EML4: variants seen among roughly 807,000 people sequenced by gnomAD.
The protein encoded by EML4 is EMAP like 4.
A neutral mutation model predicts 129.0 loss-of-function variants in EML4; 72 were observed. The observed-to-expected ratio is 0.56, with a 90% CI of 0.46 to 0.68. The LOEUF is 0.68. Ranked by LOEUF, EML4 falls within the 30% of genes least tolerant of loss-of-function variation. The probability of loss-of-function intolerance (pLI) is 0.00; values close to 1 mark genes in which losing one functional copy is unlikely to be tolerated. For synonymous variants in EML4, 532 were observed against 405.0 expected, an observed-to-expected ratio of 1.31 and a Z score of -3.77; for missense variants, 1,363 against 1,190.6, an observed-to-expected ratio of 1.14 and a Z score of -2.13.
At chr2:42,207,137 A>G (rs1672602320) in intron 1 of EML4, among the ~76,000 whole-genome samples, 1 of 152,220 alleles carries the variant, frequency 6.6e-6, no homozygotes, top group African/African-American at 2.4e-5. Flanking sequence ...GTTACATTCT[A>G]AAAGTTATTT....
chr2:42,274,368 A>G (rs1454342982), intron 6 of EML4, among the ~76,000 whole-genome samples: 1 of 152,180 alleles, frequency 6.6e-6, no homozygotes, highest in South Asian at 2.1e-4. Context: ...TACAGGTAGT[A>G]CCCATTACAC....
chr2:42,270,786 C>G (rs1666320587), intron 6 of EML4, among the ~76,000 whole-genome samples: 1 of 152,212 alleles, frequency 6.6e-6, no homozygotes, highest in Non-Finnish European at 1.5e-5. Flanking sequence ...GTATCCCAAA[C>G]TTGGCAATTC....
In EML4 at chr2:42,253,643, G is replaced by T. The variant is rs548856522; in HGVS notation, c.209-2858G>T. Reference sequence around the variant, plus strand: ...ATCCATTTAGTTGTTTTGATATTAAGTACTTTTTGTGTGCTAGGCAGACTG... The same window carrying T: ...ATCCATTTAGTTGTTTTGATATTAATTACTTTTTGTGTGCTAGGCAGACTG... On this transcript the variant is annotated intron_variant, in intron 2 of 22. Transcript: ENST00000318522. 5.3e-5 allele frequency among the ~76,000 whole-genome samples: 8 copies of T among 152,240 alleles called. No homozygotes were observed. The South Asian group carries it at 8.3e-4, about 16-fold the overall frequency.
At chr2:42,257,617 C>CT (rs1676243194) in intron 3 of EML4, among the ~76,000 whole-genome samples, 1 of 152,062 alleles carries the variant, frequency 6.6e-6, no homozygotes, top group Non-Finnish European at 1.5e-5. Context: ...GGGCGGATCA[C>CT]GAGGTCAGGA....
chr2:42,214,729 A>T (rs1471014538), intron 1 of EML4, among the ~76,000 whole-genome samples: 3 of 152,116 alleles, frequency 2.0e-5, no homozygotes, highest in South Asian at 2.1e-4. Context: ...GTTAGCCGGG[A>T]TGGCTGGAAG....
At chr2:42,217,841 T>C (rs918110346) in intron 1 of EML4, among the ~76,000 whole-genome samples, 9 of 152,174 alleles carry the variant, frequency 5.9e-5, no homozygotes, top group African/African-American at 1.4e-4. Flanking sequence ...CTTTTAAATA[T>C]GTAGATTTAC....
At chr2:42,184,385 T>A (rs1375472485) in intron 1 of EML4, among the ~76,000 whole-genome samples, 2 of 77,280 alleles carry the variant, frequency 2.6e-5, no homozygotes, top group African/African-American at 1.1e-4. Flanking sequence ...CCCTCCCCCC[T>A]CCCCCCACCC....
intron 5 of EML4, among the ~76,000 whole-genome samples, chr2:42,263,720 A>T (rs530630787): frequency 6.7e-6 from 1 of 148,792 alleles, no homozygotes; most frequent in African/African-American, 2.5e-5. Flanking sequence ...GAATCTTTTT[A>T]AAAACTCTGT....
chr2:42,316,095 C>T, intron 18 of EML4, 45 bp downstream of exon 18: 1 of 1,314,640 alleles, frequency 7.6e-7, no homozygotes, highest in Non-Finnish European at 1.1e-6. Flanking sequence ...ATTCACAGCA[C>T]TTCACTGCAA....
rs143911025 is a variant in EML4 at position 42,301,274 on chromosome 2, A to G, written c.1523A>G (p.His508Arg). 4.8e-4 allele frequency: 780 copies of G among 1,611,290 alleles called. No homozygotes were observed. The highest frequency in any genetic ancestry group is 6.2e-4 in the Non-Finnish European group (736 of 1,178,116). Reference protein sequence around the residue: ...VYQISKQIKAHDGSVFTLCQM... With the variant: ...VYQISKQIKARDGSVFTLCQM... ...CAAATCAGCAAACAAATCAAAGCTC[A>G]TGATGGCAGTGTGTTCACACTTTGT... The change falls in exon 14 of 23, where the codon CAT becomes CGT. Residue 508 changes from histidine to arginine, a missense_variant. Transcript: ENST00000318522.
At chr2:42,280,733 C>G in intron 6 of EML4, 117 bp from the exon 7 acceptor site, 1 of 762,892 alleles carries the variant, frequency 1.3e-6, no homozygotes, top group Non-Finnish European at 2.1e-6. Flanking sequence ...TATAATGAGA[C>G]TAAAACTTTG....
chr2:42,212,321 A>G (rs1248955544), intron 1 of EML4, among the ~76,000 whole-genome samples: 3 of 152,200 alleles, frequency 2.0e-5, no homozygotes, highest in African/African-American at 7.2e-5. Context: ...AATGCATGCT[A>G]TTTGAAATTT....
At chr2:42,317,186 T>A (rs1360939206) in intron 18 of EML4, among the ~76,000 whole-genome samples, 2 of 152,110 alleles carry the variant, frequency 1.3e-5, no homozygotes, top group African/African-American at 2.4e-5. Context: ...CTGGAGCCGG[T>A]TTTCAACTAA....
chr2:42,293,081 G>C (rs1667743914), intron 11 of EML4, among the ~76,000 whole-genome samples: 1 of 151,986 alleles, frequency 6.6e-6, no homozygotes, highest in African/African-American at 2.4e-5. Context: ...TACGTAACAA[G>C]CAAGATGTGC....
At chr2:42,241,822 T>G (rs2104276354) in intron 1 of EML4, among the ~76,000 whole-genome samples, 1 of 149,406 alleles carries the variant, frequency 6.7e-6, no homozygotes, top group East Asian at 2.0e-4. Context: ...TTATTTAGTT[T>G]GAGCTATTTC....
At chr2:42,319,301 A>G (rs182048628) in intron 19 of EML4, among the ~76,000 whole-genome samples, 2 of 152,306 alleles carry the variant, frequency 1.3e-5, no homozygotes, top group Admixed American at 6.5e-5. Flanking sequence ...AGAGAGAGCA[A>G]TGTGTGACAT....
At chr2:42,235,543 C>G (rs1451250111) in intron 1 of EML4, among the ~76,000 whole-genome samples, 5 of 152,154 alleles carry the variant, frequency 3.3e-5, no homozygotes, top group African/African-American at 1.2e-4. Context: ...ACGTTAGCTT[C>G]TCTAATCTAA....
At chr2:42,261,044 A>T in intron 3 of EML4, 77 bp from the exon 4 acceptor site, 2 of 1,112,414 alleles carry the variant, frequency 1.8e-6, no homozygotes, top group Non-Finnish European at 2.6e-6. Context: ...GAATTATATA[A>T]TAATCACTTT....
chr2:42,295,541 A>T (rs1451656877), intron 13 of EML4, 25 bp downstream of exon 13: 1 of 1,598,812 alleles, frequency 6.3e-7, no homozygotes, highest in Admixed American at 1.7e-5. Context: ...TATTAAACTC[A>T]TTTCTGGTAA....
Sources: allele counts gnomAD v4.1 joint callset (sites outside exome capture counted in the v4.1 genomes callset), GRCh38; gene constraint gnomAD v4.1.1; transcripts MANE v1.5; gene names NCBI Gene and HGNC (gene_info 2026-07-23, HGNC 2026-07-21).